The following ADGRL4 variants were observed in gnomAD, a reference collection of about 807,000 sequenced individuals.
The protein encoded by ADGRL4 is EGF, latrophilin and seven transmembrane domain containing 1.
In ADGRL4, 90 loss-of-function variants were observed where a neutral mutation model predicts 74.8. The observed-to-expected ratio is 1.20, with a 90% confidence interval of 1.02 to 1.43. The LOEUF is 1.43. ADGRL4 is among the 40% of genes most tolerant of loss of function. The pLI, the probability that ADGRL4 is intolerant of heterozygous loss-of-function variation, is 0.00. For missense variants in ADGRL4, 881 were observed against 814.3 expected (o/e 1.08, Z -1.00); for synonymous variants, 311 against 279.2 (o/e 1.11, Z -1.14).
At chr1:78,991,347 T>C (rs1650604321) in intron 2 of ADGRL4, among the ~76,000 whole-genome samples, 1 of 152,034 alleles carries the variant, frequency 6.6e-6, no homozygotes, top group Admixed American at 6.6e-5. Flanking sequence ...GGGAAGTACA[T>C]ATTTTGGCGT....
intron 12 of ADGRL4, among the ~76,000 whole-genome samples, chr1:78,915,771 A>C (rs569313658): frequency 3.4e-4 from 52 of 152,084 alleles, no homozygotes; most frequent in African/African-American, 1.2e-3. Flanking sequence ...GAAAAATGTC[A>C]TCTAACATTG....
chr1:78,910,110 G>C (rs1648728142), intron 12 of ADGRL4, among the ~76,000 whole-genome samples: 1 of 151,686 alleles, frequency 6.6e-6, no homozygotes, highest in Admixed American at 6.6e-5. Context: ...TTTATGGGGA[G>C]AATGAGTGTA....
chr1:78,986,112 A>G (rs1650489029), intron 2 of ADGRL4, among the ~76,000 whole-genome samples: 1 of 151,736 alleles, frequency 6.6e-6, no homozygotes. Flanking sequence ...TGTACATCAG[A>G]CCTCTGTGAC....
intron 3 of ADGRL4, among the ~76,000 whole-genome samples, chr1:78,942,136 T>C (rs984597983): frequency 3.2e-5 from 4 of 124,726 alleles, no homozygotes; most frequent in African/African-American, 1.3e-4. Flanking sequence ...GGAGCACCAC[T>C]GCACTCCAGC....
At chr1:78,970,227 G>A (rs1263344328) in intron 2 of ADGRL4, among the ~76,000 whole-genome samples, 1 of 152,072 alleles carries the variant, frequency 6.6e-6, no homozygotes, top group African/African-American at 2.4e-5. Flanking sequence ...CTAAGTTTTG[G>A]GTCAAAGCCC....
At chr1:78,954,874 T>C (rs548421846) in intron 2 of ADGRL4, among the ~76,000 whole-genome samples, 1 of 152,254 alleles carries the variant, frequency 6.6e-6, no homozygotes, top group South Asian at 2.1e-4. Context: ...TTTTTATGAA[T>C]CTGATACACC....
intron 4 of ADGRL4, 57 bp downstream of exon 4, chr1:78,939,131 C>T: frequency 6.8e-7 from 1 of 1,474,712 alleles, no homozygotes; most frequent in Non-Finnish European, 9.0e-7. Flanking sequence ...ACATTGAAAG[C>T]ATTTTAATTG....
intron 2 of ADGRL4, among the ~76,000 whole-genome samples, chr1:78,960,545 C>T (rs763333242): frequency 9.9e-5 from 15 of 152,070 alleles, no homozygotes; most frequent in Non-Finnish European, 1.9e-4. Flanking sequence ...CATGGAGTTA[C>T]GAGGAAATTG....
Position 78,938,140 on chromosome 1 carries a change from GTGT to G in ADGRL4, c.533_535del (p.Asn178del). 8.7e-6 allele frequency: 14 copies of G among 1,613,264 alleles called. No homozygotes were observed. The highest frequency in any genetic ancestry group is 1.2e-5 in the Non-Finnish European group (14 of 1,179,690). The stretch of plus-strand genomic sequence containing the variant: ...AGAAAGGGTGTCCTTGGCTGAGATA[GTGT>G]TGTTCTTGTAACCTAGTAATGAAGA... On this transcript the variant is annotated inframe_deletion, in exon 5 of 15. Transcript: ENST00000370742.
Position 78,891,007 on chromosome 1 carries a change from A to G in ADGRL4, c.*147T>C. On this transcript the variant is annotated 3_prime_UTR_variant, in exon 15 of 15. Transcript: ENST00000370742. Reference sequence around the variant, plus strand: ...TTTTACCTTATTATCTACAGTTCCTATAGCATAAACAGAAAAACTGATTTA... The same window carrying G: ...TTTTACCTTATTATCTACAGTTCCTGTAGCATAAACAGAAAAACTGATTTA... 1 of 780,928 alleles carries G rather than the reference A, an allele frequency of 1.3e-6. No homozygotes were observed. Among genetic ancestry groups the G allele is most frequent in the Non-Finnish European group, 2.2e-6 (1 of 452,338 alleles). 48.4% of individuals were successfully genotyped at this position (780,928 alleles called of 1,614,324 possible).
At chr1:78,953,199 A>G (rs970757777) in intron 2 of ADGRL4, among the ~76,000 whole-genome samples, 1 of 152,186 alleles carries the variant, frequency 6.6e-6, no homozygotes, top group Non-Finnish European at 1.5e-5. Context: ...TCAAACTATC[A>G]AAGACTCTAA....
chr1:78,911,584 A>C (rs892517134), intron 12 of ADGRL4, among the ~76,000 whole-genome samples: 1 of 137,610 alleles, frequency 7.3e-6, no homozygotes, highest in East Asian at 2.1e-4. Flanking sequence ...ACTGCTACTT[A>C]TTCACTAATA....
rs577190484 is a variant in ADGRL4, at chr1:78,931,905, G to A, written c.877+4390C>T. Among the ~76,000 whole-genome samples the A allele has an allele frequency of 1.5e-4, 22 of 151,340 alleles. 1 individual carries two copies. In the South Asian group the frequency reaches 3.3e-3, roughly 23 times the overall value. On this transcript the variant is annotated intron_variant, in intron 7 of 14. Coordinates refer to ENST00000370742, the MANE Select transcript of ADGRL4 (RefSeq NM_022159.4). ...AATTATCCTAAATATATATGCACCC[G>A]ATACAGGAGCCAGATTCATAAAACA...
chr1:78,916,263 C>T (rs192914688), intron 12 of ADGRL4, among the ~76,000 whole-genome samples: 29 of 151,948 alleles, frequency 1.9e-4, no homozygotes, highest in African/African-American at 6.8e-4. Flanking sequence ...TAATTTCTAT[C>T]ATGCTACTTT....
intron 2 of ADGRL4, among the ~76,000 whole-genome samples, chr1:78,973,795 G>T (rs1650223365): frequency 6.6e-6 from 1 of 151,518 alleles, no homozygotes; most frequent in Non-Finnish European, 1.5e-5. Context: ...AAGTGGTTTT[G>T]TTTTATGTTT....
At chr1:78,947,438 C>T (rs956745280) in intron 2 of ADGRL4, among the ~76,000 whole-genome samples, 1 of 152,188 alleles carries the variant, frequency 6.6e-6, no homozygotes, top group Admixed American at 6.5e-5. Flanking sequence ...GGATAGCTGG[C>T]AACCACAAAA....
intron 12 of ADGRL4, among the ~76,000 whole-genome samples, chr1:78,912,805 T>G (rs1248912244): frequency 6.6e-6 from 1 of 151,774 alleles, no homozygotes; most frequent in African/African-American, 2.4e-5. Flanking sequence ...CTAATTAAAC[T>G]AAAAAGCTTC....
chr1:78,919,658 C>G (rs1189520792), intron 10 of ADGRL4, among the ~76,000 whole-genome samples: 2 of 151,822 alleles, frequency 1.3e-5, no homozygotes, highest in African/African-American at 2.4e-5. Flanking sequence ...CATACTTAAC[C>G]CCATCTTAAC....
chr1:78,893,893 C>T (rs901762748), intron 12 of ADGRL4, among the ~76,000 whole-genome samples: 9 of 151,762 alleles, frequency 5.9e-5, no homozygotes, highest in Non-Finnish European at 1.0e-4. Context: ...AAAGTTGCCT[C>T]TTATTTTCCT....
Sources: allele counts gnomAD v4.1 joint callset (sites outside exome capture counted in the v4.1 genomes callset), GRCh38; gene constraint gnomAD v4.1.1; transcripts MANE v1.5; gene names NCBI Gene and HGNC (gene_info 2026-07-23, HGNC 2026-07-21).